Variants in SPAG9 observed in about 807,000 individuals in gnomAD.
The protein encoded by SPAG9 is sperm associated antigen 9, also known as C-Jun-amino-terminal kinase-interacting protein 4.
SPAG9 carries 35 observed loss-of-function variants against 166.5 expected under a neutral mutation model. The ratio of observed to expected loss-of-function variants is 0.21; its 90% confidence interval spans 0.16 to 0.28. The LOEUF is 0.28. Among genes scored for constraint, SPAG9 ranks in the 10% least tolerant of loss-of-function variants. The pLI is 1.00. For synonymous variants in SPAG9, 534 were observed against 565.5 expected (o/e 0.94, Z 0.79); for missense variants, 1,235 against 1,603.3 (o/e 0.77, Z 3.92).
At chr17:50,991,936 TTTTTTTTTTTTTTTTTA>T (rs1369588155) in intron 19 of SPAG9, among the ~76,000 whole-genome samples, 2 of 135,400 alleles carry the variant, frequency 1.5e-5, no homozygotes, top group Non-Finnish European at 3.1e-5. Context: ...TTTTTTTTTT[TTTTTTTTTTTTTTTTTA>T]AAACACAGGG....
intron 1 of SPAG9, among the ~76,000 whole-genome samples, chr17:51,094,735 T>A (rs2048563758): frequency 6.6e-6 from 1 of 152,214 alleles, no homozygotes; most frequent in Non-Finnish European, 1.5e-5. Flanking sequence ...CAAACAAGGT[T>A]CATACATTAC....
chr17:51,037,155 T>G (rs966322546), intron 5 of SPAG9, among the ~76,000 whole-genome samples: 1 of 152,240 alleles, frequency 6.6e-6, no homozygotes, highest in Admixed American at 6.5e-5. Flanking sequence ...CAGGCTGCAG[T>G]GCAGTGGCAT....
intron 1 of SPAG9, among the ~76,000 whole-genome samples, chr17:51,110,862 G>A (rs895679700): frequency 1.3e-5 from 2 of 152,042 alleles, no homozygotes; most frequent in African/African-American, 2.4e-5. Context: ...GCTCATGCCT[G>A]TAATCCCACC....
chr17:50,975,521 C>T (rs1974147166), intron 27 of SPAG9, among the ~76,000 whole-genome samples: 3 of 152,114 alleles, frequency 2.0e-5, no homozygotes, highest in Admixed American at 2.0e-4. Context: ...ATCCCCATTC[C>T]ATGGGCAAGT....
intron 1 of SPAG9, among the ~76,000 whole-genome samples, chr17:51,106,613 A>G (rs1412373603): frequency 6.6e-6 from 1 of 152,022 alleles, no homozygotes; most frequent in East Asian, 1.9e-4. Context: ...CCTGGCCAAC[A>G]TGGTGAAACC....
intron 14 of SPAG9, 55 bp from the exon 15 acceptor site, chr17:50,998,672 A>G: frequency 1.3e-6 from 2 of 1,517,452 alleles, no homozygotes; most frequent in Admixed American, 3.8e-5. Flanking sequence ...ACAATCCTTG[A>G]TTTTCCACAA....
chr17:50,971,868 A>G lies in SPAG9; in HGVS notation c.3701-1012T>C, dbSNP rs182289419. Among the ~76,000 whole-genome samples, 3 of 152,190 alleles carry G rather than the reference A, an allele frequency of 2.0e-5. No individual in the cohort carries two copies. The East Asian group carries it at 5.8e-4, about 29-fold the overall frequency. Reference sequence around the variant, plus strand: ...CTGCAACCTTCGCCTCTGGGGTTCAAACAATTCTCTTGCCTCAGCCTCCCA... The same window carrying G: ...CTGCAACCTTCGCCTCTGGGGTTCAGACAATTCTCTTGCCTCAGCCTCCCA... On this transcript the variant is annotated intron_variant, in intron 28 of 29. Transcript: ENST00000262013.
chr17:50,999,775 T>C, intron 13 of SPAG9, 58 bp from the exon 14 acceptor site: 2 of 1,474,746 alleles, frequency 1.4e-6, no homozygotes, highest in South Asian at 2.3e-5. Flanking sequence ...TACCTTTCTT[T>C]CTGAAGAACA....
chr17:50,993,114 A>G (rs1276127391), intron 19 of SPAG9, among the ~76,000 whole-genome samples: 1 of 141,936 alleles, frequency 7.0e-6, no homozygotes, highest in Admixed American at 7.2e-5. Flanking sequence ...AAAAAAAAAA[A>G]GACTAGCCTG....
intron 28 of SPAG9, among the ~76,000 whole-genome samples, chr17:50,972,692 A>G (rs1256217825): frequency 6.6e-6 from 1 of 152,248 alleles, no homozygotes; most frequent in Non-Finnish European, 1.5e-5. Context: ...TAACAAAATT[A>G]ATGTATGTTG....
rs775276329 is a variant in SPAG9 at position 51,079,626 on chromosome 17, T to C, written c.382A>G (p.Thr128Ala). Reference sequence around the variant, plus strand: ...TTCGCTTTCAGCTCAAGTTGTCTTGTTTGAGATTCTAAAGATTCCACTCGG... The same window carrying C: ...TTCGCTTTCAGCTCAAGTTGTCTTGCTTGAGATTCTAAAGATTCCACTCGG... Reference protein sequence around the residue: ...QTRVESLESQTRQLELKAKNY... With the variant: ...QTRVESLESQARQLELKAKNY... The change falls in exon 2 of 30, where the codon ACA becomes GCA. Residue 128 changes from threonine to alanine, a missense_variant. Physicochemically the swap from Thr to Ala is moderately conservative, Grantham distance 58. Coordinates refer to ENST00000262013, the MANE Select transcript of SPAG9 (RefSeq NM_001130528.3). The C allele has an allele frequency of 7.4e-6, 12 of 1,613,798 alleles. No homozygotes were observed. Among genetic ancestry groups the C allele is most frequent in the Middle Eastern group, 1.6e-4 (1 of 6,082 alleles).
chr17:50,966,216 G>T lies in SPAG9; in HGVS notation c.*56C>A. 9.6e-7 allele frequency: 1 copy of T among 1,039,826 alleles called. No homozygotes were observed. Among genetic ancestry groups the T allele is most frequent in the Non-Finnish European group, 1.5e-6 (1 of 656,830 alleles). The allele number at this position is 1,039,826 out of a possible 1,614,324, so 64.4% of individuals were successfully genotyped here. A position where few individuals can be genotyped will look rare whatever the true frequency, so the allele number is the denominator to read the frequency against. On this transcript the variant is annotated 3_prime_UTR_variant, in exon 30 of 30. Coordinates refer to ENST00000262013, the MANE Select transcript of SPAG9 (RefSeq NM_001130528.3). ...AGAGCATTAAATAAAAGGATAGAGGGAAAATAAACCATGCAGAAGAGACGG... is the reference window on the plus strand; with the variant it reads ...AGAGCATTAAATAAAAGGATAGAGGTAAAATAAACCATGCAGAAGAGACGG...
chr17:50,970,746 C>T lies in SPAG9; in HGVS notation c.3811G>A (p.Val1271Ile), dbSNP rs1224186022. The T allele has an allele frequency of 6.2e-7, 1 of 1,614,132 alleles. No individual in the cohort carries two copies. Among genetic ancestry groups the T allele is most frequent in the African/African-American group, 1.3e-5 (1 of 75,028 alleles). The change falls in exon 29 of 30, where the codon GTC becomes ATC. Residue 1271 changes from valine (V) to isoleucine (I), a missense_variant. By Grantham distance (29) the Val-to-Ile change is conservative. This residue lies in a region of SPAG9 where 243 missense variants were observed against 358.6 expected (regional missense o/e 0.68). Coordinates refer to ENST00000262013, the MANE Select transcript of SPAG9 (RefSeq NM_001130528.3). ...ATGTAGCCCTCTCCTCCACTGATGA[C>T]AAGCATAGACTTCAAGGGCGTCTGA... ...GSQTPLKSML[V>I]ISGGEGYIDF...
chr17:50,993,673 A>C, intron 19 of SPAG9, 91 bp downstream of exon 19: 1 of 1,219,946 alleles, frequency 8.2e-7, no homozygotes, highest in Non-Finnish European at 1.2e-6. Context: ...CATGACAGCA[A>C]GGTGCAGAAC....
chr17:51,012,469 C>G (rs879371974), intron 9 of SPAG9, among the ~76,000 whole-genome samples: 1 of 151,516 alleles, frequency 6.6e-6, no homozygotes, highest in Non-Finnish European at 1.5e-5. Context: ...ACTCGGGAGG[C>G]TGAGGCAGGA....
At chr17:51,031,346 A>C in intron 6 of SPAG9, 1 of 313,960 alleles carries the variant, frequency 3.2e-6, no homozygotes, top group Non-Finnish European at 6.1e-6. Flanking sequence ...GACAAATACA[A>C]GTTACATACA....
intron 1 of SPAG9, among the ~76,000 whole-genome samples, chr17:51,101,147 A>G (rs1165819187): frequency 6.6e-6 from 1 of 151,954 alleles, no homozygotes; most frequent in East Asian, 1.9e-4. Flanking sequence ...AGAGATCAAG[A>G]CCATCCTGGC....
intron 27 of SPAG9, chr17:50,975,996 T>C (rs1439743099): frequency 1.1e-6 from 1 of 929,338 alleles, no homozygotes; most frequent in Non-Finnish European, 1.7e-6. Flanking sequence ...TTCTATCTGG[T>C]AAACCTGGTG....
chr17:51,098,858 T>C (rs1429736020), intron 1 of SPAG9, among the ~76,000 whole-genome samples: 5 of 151,736 alleles, frequency 3.3e-5, no homozygotes, highest in East Asian at 2.0e-4. Context: ...TCCCAGCAAT[T>C]TGGGAGGCCA....
Sources: allele counts gnomAD v4.1 joint callset (sites outside exome capture counted in the v4.1 genomes callset), GRCh38; gene constraint gnomAD v4.1.1; regional missense constraint gnomAD v4.1.1; transcripts MANE v1.5; gene names NCBI Gene and HGNC (gene_info 2026-07-23, HGNC 2026-07-21).